RIT2: variants seen among roughly 807,000 people sequenced by gnomAD.
The protein encoded by RIT2 is GTP-binding protein Rit2.
In RIT2, 24 loss-of-function variants were observed where a neutral mutation model predicts 23.7. That is an observed-to-expected ratio of 1.01 (90% CI 0.73 to 1.43). The LOEUF is 1.43. Ranked by LOEUF, RIT2 falls within the 40% of genes most tolerant of loss-of-function variation. The pLI, the probability that RIT2 is intolerant of heterozygous loss-of-function variation, is 0.00. For synonymous variants in RIT2, 107 were observed against 91.1 expected, an observed-to-expected ratio of 1.17 and a Z score of -0.99; for missense variants, 236 against 266.9, an observed-to-expected ratio of 0.88 and a Z score of 0.81.
In RIT2 at chr18:42,987,261, A is replaced by G. The variant is rs74676748; in HGVS notation, c.161-13114T>C. The stretch of plus-strand genomic sequence containing the variant: ...CCATTCTTTGATTTTAGACTTGACC[A>G]TGCAACTTGCATAATGAAATAATAA... On this transcript the variant is annotated intron_variant, in intron 2 of 4. Transcript: ENST00000326695. Among the ~76,000 whole-genome samples, 92 of 152,316 alleles carry G rather than the reference A, an allele frequency of 6.0e-4. No homozygotes were observed. The East Asian group carries it at 0.017, about 29-fold the overall frequency.
chr18:43,031,424 C>T (rs1911851807), intron 2 of RIT2, among the ~76,000 whole-genome samples: 1 of 151,772 alleles, frequency 6.6e-6, no homozygotes, highest in African/African-American at 2.4e-5. Flanking sequence ...TCCATTCTAC[C>T]TGAGTCAGTG....
intron 1 of RIT2, among the ~76,000 whole-genome samples, chr18:43,099,607 A>G (rs933790470): frequency 1.3e-5 from 2 of 152,264 alleles, no homozygotes; most frequent in Non-Finnish European, 2.9e-5. Flanking sequence ...TGTTTCAAAA[A>G]GTCTTAAACT....
At chr18:43,081,430 T>G (rs1221031101) in intron 1 of RIT2, among the ~76,000 whole-genome samples, 1 of 152,106 alleles carries the variant, frequency 6.6e-6, no homozygotes, top group Non-Finnish European at 1.5e-5. Flanking sequence ...AACTATAGAG[T>G]AAGTATTACT....
chr18:43,015,479 A>G (rs889595254), intron 2 of RIT2, among the ~76,000 whole-genome samples: 3 of 151,736 alleles, frequency 2.0e-5, no homozygotes, highest in South Asian at 2.1e-4. Flanking sequence ...TTAGTTTTAG[A>G]AGTAAAAAAG....
At chr18:42,806,762 A>G (rs1266518646) in intron 4 of RIT2, among the ~76,000 whole-genome samples, 1 of 152,246 alleles carries the variant, frequency 6.6e-6, no homozygotes, top group Non-Finnish European at 1.5e-5. Context: ...TTGCAAAGCA[A>G]TTAGACTAAA....
intron 4 of RIT2, among the ~76,000 whole-genome samples, chr18:42,909,105 A>C (rs1908700353): frequency 6.6e-6 from 1 of 152,148 alleles, no homozygotes; most frequent in Non-Finnish European, 1.5e-5. Context: ...GATAAAGAAG[A>C]TGTTGTACAT....
intron 1 of RIT2, among the ~76,000 whole-genome samples, chr18:43,075,756 T>C (rs1476150860): frequency 6.6e-6 from 1 of 152,208 alleles, no homozygotes; most frequent in East Asian, 1.9e-4. Flanking sequence ...AGTTTCATTC[T>C]GGCTCCCCCT....
chr18:42,905,346 C>T (rs974942044), intron 4 of RIT2, among the ~76,000 whole-genome samples: 3 of 151,958 alleles, frequency 2.0e-5, no homozygotes, highest in Non-Finnish European at 4.4e-5. Flanking sequence ...TATGGATGTA[C>T]CTGTATACCT....
At chr18:42,968,803 G>C (rs1466351052) in intron 3 of RIT2, among the ~76,000 whole-genome samples, 1 of 152,182 alleles carries the variant, frequency 6.6e-6, no homozygotes, top group African/African-American at 2.4e-5. Flanking sequence ...TAAGAAGTAT[G>C]TGAACAGAAT....
At chr18:43,043,408 C>A (rs888161599) in intron 1 of RIT2, among the ~76,000 whole-genome samples, 8 of 152,076 alleles carry the variant, frequency 5.3e-5, no homozygotes, top group Non-Finnish European at 1.2e-4. Context: ...AGTAATAACA[C>A]ACATGTACAC....
intron 3 of RIT2, among the ~76,000 whole-genome samples, chr18:42,965,002 A>G (rs1358857451): frequency 6.6e-6 from 1 of 152,216 alleles, no homozygotes; most frequent in East Asian, 1.9e-4. Context: ...AACTTAACTG[A>G]GAGCTACCTT....
At position 42,923,699 on chromosome 18, in the gene RIT2, G is replaced by C; in HGVS notation, c.299C>G (p.Ser100Cys). ...RGGEGFIICY[S>C]VTDRQSFQEA... ...CTGAAATGATTGACGGTCAGTGACG[G>C]AGTAGCAGATGATGAAGCCTTCCCC... Residue 100 changes from serine to cysteine, a missense_variant, in exon 4 of 5, where the codon TCC becomes TGC. Transcript: ENST00000326695. 1 of 1,613,070 alleles carries C rather than the reference G, an allele frequency of 6.2e-7. No individual in the cohort carries two copies. Among genetic ancestry groups the C allele is most frequent in the Non-Finnish European group, 8.5e-7 (1 of 1,179,586 alleles).
chr18:42,973,743 C>A (rs940554065), intron 3 of RIT2, among the ~76,000 whole-genome samples: 1 of 151,780 alleles, frequency 6.6e-6, no homozygotes, highest in Non-Finnish European at 1.5e-5. Flanking sequence ...TCTTTATATT[C>A]ACCTAAAATT....
chr18:42,936,669 G>A (rs1309270738), intron 3 of RIT2, among the ~76,000 whole-genome samples: 1 of 152,028 alleles, frequency 6.6e-6, no homozygotes, highest in African/African-American at 2.4e-5. Flanking sequence ...TACTACATGT[G>A]GCATTCTTTA....
In RIT2 at chr18:42,998,352, A is replaced by C. The variant is rs1301796502; in HGVS notation, c.161-24205T>G. ...CTATAGGAACACTTTGCTCATAAGT[A>C]GAGATGCCTATAAATTCTTGCTTAC... On this transcript the variant is annotated intron_variant, in intron 2 of 4. Transcript: ENST00000326695. 2.0e-5 allele frequency among the ~76,000 whole-genome samples: 3 copies of C among 152,176 alleles called. No homozygotes were observed. The East Asian group carries it at 5.8e-4, about 29-fold the overall frequency.
At chr18:43,043,185 A>T (rs900468634) in intron 1 of RIT2, among the ~76,000 whole-genome samples, 1 of 152,152 alleles carries the variant, frequency 6.6e-6, no homozygotes, top group Non-Finnish European at 1.5e-5. Context: ...TTTGATTTAT[A>T]ACCTTACAAA....
chr18:42,829,531 G>A (rs1906397383), intron 4 of RIT2, among the ~76,000 whole-genome samples: 1 of 152,148 alleles, frequency 6.6e-6, no homozygotes, highest in Non-Finnish European at 1.5e-5. Context: ...AGAGCCAGGT[G>A]TGACTTCCAG....
intron 4 of RIT2, among the ~76,000 whole-genome samples, chr18:42,788,766 C>T (rs1234953777): frequency 6.6e-6 from 1 of 152,084 alleles, no homozygotes; most frequent in Non-Finnish European, 1.5e-5. Flanking sequence ...CAACATCTAT[C>T]AAATACCCAA....
intron 4 of RIT2, among the ~76,000 whole-genome samples, chr18:42,874,773 A>G (rs1907703097): frequency 6.6e-6 from 1 of 152,062 alleles, no homozygotes; most frequent in Admixed American, 6.6e-5. Flanking sequence ...TTAGGCACCA[A>G]CATGCGAAGC....
Sources: gnomAD v4.1 joint callset for allele counts (sites outside exome capture counted in the v4.1 genomes callset) on GRCh38, gnomAD v4.1.1 for gene constraint, MANE v1.5 for transcripts, NCBI Gene and HGNC (gene_info 2026-07-23, HGNC 2026-07-21) for gene names.